The following NTNG2 variants were observed in gnomAD, a reference collection of about 807,000 sequenced individuals.
NTNG2 encodes netrin G2.
In NTNG2, 15 loss-of-function variants were observed where a neutral mutation model predicts 47.6. The ratio of observed to expected loss-of-function variants is 0.32; its 90% CI spans 0.21 to 0.49. The LOEUF (loss-of-function observed/expected upper bound fraction) is 0.49, where lower values mean the gene tolerates loss of function less well. NTNG2 is among the 20% of genes least tolerant of loss of function. The pLI is 0.99. For synonymous variants in NTNG2, 307 were observed against 324.6 expected, an observed-to-expected ratio of 0.95 and a Z score of 0.58; for missense variants, 578 against 764.6, an observed-to-expected ratio of 0.76 and a Z score of 2.88.
At chr9:132,234,645 C>T (rs958802294) in intron 5 of NTNG2, among the ~76,000 whole-genome samples, 11 of 152,216 alleles carry the variant, frequency 7.2e-5, no homozygotes, top group South Asian at 2.1e-4. Context: ...GACAGCGCTG[C>T]GGGCGGAAAA....
chr9:132,214,883 T>G (rs1839859319), intron 3 of NTNG2, among the ~76,000 whole-genome samples: 1 of 152,062 alleles, frequency 6.6e-6, no homozygotes, highest in Non-Finnish European at 1.5e-5. Context: ...AATTTTTTTT[T>G]TTTTTAGAGA....
chr9:132,186,909 C>G (rs949469475), intron 2 of NTNG2, among the ~76,000 whole-genome samples: 1 of 152,256 alleles, frequency 6.6e-6, no homozygotes, highest in Admixed American at 6.5e-5. Flanking sequence ...AAGGCCCCTG[C>G]TCTCCCAGAG....
At chr9:132,219,503 G>T (rs1299064755) in intron 3 of NTNG2, among the ~76,000 whole-genome samples, 1 of 150,330 alleles carries the variant, frequency 6.7e-6, no homozygotes, top group African/African-American at 2.5e-5. Flanking sequence ...AACCCAGGAG[G>T]TGGAGGTTGC....
At chr9:132,205,835 C>T (rs774784247) in intron 3 of NTNG2, among the ~76,000 whole-genome samples, 17 of 152,068 alleles carry the variant, frequency 1.1e-4, no homozygotes, top group Admixed American at 2.6e-4. Flanking sequence ...GAACTGAGAT[C>T]GCACCACTGC....
At chr9:132,205,652 G>A (rs79414244) in intron 3 of NTNG2, among the ~76,000 whole-genome samples, 15 of 151,978 alleles carry the variant, frequency 9.9e-5, no homozygotes, top group African/African-American at 2.4e-4. Flanking sequence ...AGGCCGAGGC[G>A]GGCGGATCAC....
chr9:132,185,634 G>A (rs1170447299), intron 2 of NTNG2, among the ~76,000 whole-genome samples: 1 of 152,098 alleles, frequency 6.6e-6, no homozygotes, highest in Non-Finnish European at 1.5e-5. Context: ...TCCTCTCGGT[G>A]CCTTTCCCCC....
At chr9:132,184,280 G>A (rs1342702240) in intron 2 of NTNG2, among the ~76,000 whole-genome samples, 1 of 152,238 alleles carries the variant, frequency 6.6e-6, no homozygotes, top group Admixed American at 6.5e-5. Flanking sequence ...TCCATCGGGT[G>A]CTGTGTCTAC....
In NTNG2 at chr9:132,198,348, A is replaced by C; in HGVS notation, c.596A>C (p.Tyr199Ser). ...CACCGCGTGCTCTGCACCGAGGAGT[A>C]CTCGCGCTGGGCAGGCTCCAAGAAG... ...SAHRVLCTEE[Y>S]SRWAGSKKEK... The change falls in exon 3 of 8, where the codon TAC becomes TCC. Residue 199 changes from tyrosine (Y) to serine (S), a missense_variant. Transcript: ENST00000393229. 1.9e-6 allele frequency: 3 copies of C among 1,612,848 alleles called. No individual in the cohort carries two copies. Among genetic ancestry groups the C allele is most frequent in the Non-Finnish European group, 2.5e-6 (3 of 1,179,914 alleles).
chr9:132,198,049 G>A lies in NTNG2; in HGVS notation c.297G>A (p.Glu99=), dbSNP rs766072662. ...CGCCCAGGCTCATGTTCGACAAGGA[G>A]GAGGAGGGCCTGGCCACCTACTGGC... The part of the protein sequence containing the change: ...AHPPRLMFDK[E]EEGLATYWQS... The change falls in exon 3 of 8, where the codon GAG becomes GAA. Residue 99 remains glutamate (E), a synonymous_variant. Coordinates refer to ENST00000393229, the MANE Select transcript of NTNG2 (RefSeq NM_032536.4). 3.1e-6 allele frequency: 5 copies of A among 1,613,746 alleles called. No homozygotes were observed. In the East Asian group the frequency reaches 6.7e-5, roughly 22 times the overall value.
chr9:132,204,107 G>A (rs903645217), intron 3 of NTNG2, among the ~76,000 whole-genome samples: 3 of 152,208 alleles, frequency 2.0e-5, no homozygotes, highest in Admixed American at 6.5e-5. Context: ...GCCAGGCATT[G>A]CATCCTCACC....
intron 5 of NTNG2, among the ~76,000 whole-genome samples, chr9:132,234,588 C>A (rs78497347): frequency 6.6e-6 from 1 of 152,342 alleles, no homozygotes; most frequent in African/African-American, 2.4e-5. Context: ...CCTCTGAACT[C>A]CTGGGCCAGA....
At position 132,215,061 on chromosome 9, in the gene NTNG2, A is replaced by AT. The variant is rs1839870737; in HGVS notation, c.858-11781dup. Among the ~76,000 whole-genome samples, 5 of 104,740 alleles carry AT rather than the reference A, an allele frequency of 4.8e-5. No individual in the cohort carries two copies. The East Asian group carries it at 9.0e-4, about 19-fold the overall frequency. 68.7% of individuals were successfully genotyped at this position (104,740 alleles called of 152,430 possible). On this transcript the variant is annotated intron_variant, in intron 3 of 7. Transcript: ENST00000393229. The surrounding 1 kb of genome is among the most constrained non-coding windows in gnomAD (Gnocchi z 4.2). Reference sequence around the variant, plus strand: ...CCTGATAAATTTTGTGTTTTTTTTAATTTTTTTGTAGAGATTGGGGGGGGG... The same window carrying AT: ...CCTGATAAATTTTGTGTTTTTTTTAATTTTTTTTGTAGAGATTGGGGGGGGG...
At chr9:132,222,196 AGGAGCAGAT>A (rs1840398695) in intron 3 of NTNG2, among the ~76,000 whole-genome samples, 1 of 152,224 alleles carries the variant, frequency 6.6e-6, no homozygotes, top group South Asian at 2.1e-4. Flanking sequence ...GGTAGGATCA[AGGAGCAGAT>A]GTCAGGGGAT....
intron 2 of NTNG2, among the ~76,000 whole-genome samples, chr9:132,177,746 C>G (rs1352702972): frequency 3.9e-5 from 6 of 152,186 alleles, no homozygotes. Flanking sequence ...CAACCTCCCC[C>G]TCCCGGGTTC....
chr9:132,209,536 C>G (rs1839429748), intron 3 of NTNG2, among the ~76,000 whole-genome samples: 1 of 152,142 alleles, frequency 6.6e-6, no homozygotes, highest in African/African-American at 2.4e-5. Flanking sequence ...CACGCGGGAG[C>G]GGTTCCTGCA....
Position 132,182,511 on chromosome 9 carries a change from C to G in NTNG2, c.214-15455C>G, listed in dbSNP as rs1281751130. On this transcript the variant is annotated intron_variant, in intron 2 of 7. Transcript: ENST00000393229. This position sits in a 1 kb window ranked among gnomAD's most constrained non-coding sequence, Gnocchi z 4.2. Reference sequence around the variant, plus strand: ...CCTTCCTTGCTGTCTCTGCCCGCTCCAAAATGGAAAATTGTCCCACCCAGG... The same window carrying G: ...CCTTCCTTGCTGTCTCTGCCCGCTCGAAAATGGAAAATTGTCCCACCCAGG... 1.3e-5 allele frequency among the ~76,000 whole-genome samples: 2 copies of G among 152,148 alleles called. No individual in the cohort carries two copies. The highest frequency in any genetic ancestry group is 4.8e-5 in the African/African-American group (2 of 41,440).
intron 2 of NTNG2, among the ~76,000 whole-genome samples, chr9:132,196,277 G>A (rs1217952881): frequency 6.6e-6 from 1 of 152,118 alleles, no homozygotes; most frequent in Non-Finnish European, 1.5e-5. Flanking sequence ...TGCAACCTAC[G>A]CCTCCAGGGT....
intron 3 of NTNG2, among the ~76,000 whole-genome samples, chr9:132,219,034 C>A (rs1156280491): frequency 1.3e-5 from 2 of 152,002 alleles, no homozygotes; most frequent in African/African-American, 4.8e-5. Context: ...CCACAGCAGA[C>A]TTTAGAACAT....
chr9:132,225,749 C>T (rs913577259), intron 3 of NTNG2, among the ~76,000 whole-genome samples: 1 of 152,226 alleles, frequency 6.6e-6, no homozygotes, highest in Admixed American at 6.5e-5. Flanking sequence ...ACCAGAGGAG[C>T]TTCACTTCTG....
Sources: gnomAD v4.1 joint callset for allele counts (sites outside exome capture counted in the v4.1 genomes callset) on GRCh38, gnomAD v4.1.1 for gene constraint, Gnocchi (gnomAD v3.1) non-coding constraint, MANE v1.5 for transcripts, NCBI Gene and HGNC (gene_info 2026-07-23, HGNC 2026-07-21) for gene names.